GPR180: variants seen among roughly 807,000 people sequenced by gnomAD.
GPR180 encodes integral membrane protein GPR180.
GPR180 carries 53 observed loss-of-function variants against 52.6 expected under a neutral mutation model. That is an observed-to-expected ratio of 1.01 (90% CI 0.81 to 1.27). The LOEUF is 1.27. Ranked by LOEUF, GPR180 falls within the 50% of genes most tolerant of loss-of-function variation. GPR180 has a pLI of 0.00. For missense variants in GPR180, 533 were observed against 527.0 expected, an observed-to-expected ratio of 1.01 and a Z score of -0.11; for synonymous variants, 200 against 193.1, an observed-to-expected ratio of 1.04 and a Z score of -0.30.
rs757683372 is a variant in GPR180, at chr13:94,625,964, A to G, written c.1087-2A>G. On this transcript the variant is annotated splice_acceptor_variant, in intron 7 of 8. Coordinates refer to ENST00000376958, the MANE Select transcript of GPR180 (RefSeq NM_180989.6). LOFTEE classifies it high-confidence loss of function. ...CTTATTTCACTTTTTCCTTTGTTTCAGGGCTGTATCTTGTGGTTTTTATGC... is the reference window on the plus strand; with the variant it reads ...CTTATTTCACTTTTTCCTTTGTTTCGGGGCTGTATCTTGTGGTTTTTATGC... 6 of 1,608,820 alleles carry G rather than the reference A, an allele frequency of 3.7e-6. No individual in the cohort carries two copies. Among genetic ancestry groups the G allele is most frequent in the Non-Finnish European group, 4.2e-6 (5 of 1,176,510 alleles).
rs1161497844 is a variant in GPR180 at position 94,629,323 on chromosome 13, A to G, written c.*2152A>G. The G allele has an allele frequency of 6.6e-6, 1 of 152,138 alleles. No individual in the cohort carries two copies. Among genetic ancestry groups the G allele is most frequent in the Non-Finnish European group, 1.5e-5 (1 of 67,974 alleles). 9.4% of individuals were successfully genotyped at this position (152,138 alleles called of 1,614,324 possible). A position where few individuals can be genotyped will look rare whatever the true frequency, so the allele number is the denominator to read the frequency against. On this transcript the variant is annotated 3_prime_UTR_variant, in exon 9 of 9. Coordinates refer to ENST00000376958, the MANE Select transcript of GPR180 (RefSeq NM_180989.6). ...ATAATGCTTTTTTATGTGTTTTTAC[A>G]TTTTTTGAAAGAAGATAAATGGTTC...
At chr13:94,622,157 G>A (rs1889861934) in intron 6 of GPR180, among the ~76,000 whole-genome samples, 1 of 152,052 alleles carries the variant, frequency 6.6e-6, no homozygotes, top group African/African-American at 2.4e-5. Context: ...TATTTAGAAA[G>A]GAGGTAGTGC....
intron 2 of GPR180, among the ~76,000 whole-genome samples, chr13:94,606,137 C>G (rs1889627446): frequency 6.6e-6 from 1 of 152,080 alleles, no homozygotes; most frequent in Admixed American, 6.5e-5. Context: ...ACTAAAAATA[C>G]AGAAAAAAAT....
At chr13:94,609,330 T>C (rs572910592) in intron 2 of GPR180, among the ~76,000 whole-genome samples, 3 of 152,216 alleles carry the variant, frequency 2.0e-5, no homozygotes, top group African/African-American at 4.8e-5. Flanking sequence ...AGAATATGCA[T>C]GCTGTGTTGT....
chr13:94,616,581 A>G (rs1353907064), intron 3 of GPR180, among the ~76,000 whole-genome samples: 3 of 152,092 alleles, frequency 2.0e-5, no homozygotes, highest in South Asian at 2.1e-4. Context: ...AACCTTACAC[A>G]TTTCCTTACA....
intron 1 of GPR180, among the ~76,000 whole-genome samples, chr13:94,605,071 A>C (rs1388655122): frequency 6.6e-6 from 1 of 152,228 alleles, no homozygotes; most frequent in Non-Finnish European, 1.5e-5. Context: ...GATTATGAAT[A>C]AAATATAAAA....
chr13:94,611,742 G>A (rs1296504793), intron 2 of GPR180, among the ~76,000 whole-genome samples: 2 of 151,854 alleles, frequency 1.3e-5, no homozygotes, highest in Non-Finnish European at 2.9e-5. Context: ...CCCATTGCCC[G>A]TCCGCAATGA....
rs1889824225 is a variant in GPR180, at chr13:94,619,459, A to G, written c.687-9A>G. 2 of 1,611,766 alleles carry G rather than the reference A, an allele frequency of 1.2e-6. No homozygotes were observed. The highest frequency in any genetic ancestry group is 1.3e-5 in the African/African-American group (1 of 74,866). On this transcript the variant is annotated splice_polypyrimidine_tract_variant and intron_variant, in intron 4 of 8. Coordinates refer to ENST00000376958, the MANE Select transcript of GPR180 (RefSeq NM_180989.6). ...TTGTAATTTACACTACTCTTCTTCA[A>G]TTCCTCAGTTACTCCAAAGATGGAA...
intron 5 of GPR180, 25 bp from the exon 6 acceptor site, chr13:94,621,053 G>A (rs1264539181): frequency 5.1e-6 from 8 of 1,575,304 alleles, no homozygotes; most frequent in Non-Finnish European, 6.8e-6. Context: ...AAACTTGGTT[G>A]ACGTTGGTTT....
chr13:94,605,269 G>A (rs1229321694), intron 1 of GPR180, 122 bp from the exon 2 acceptor site: 5 of 813,754 alleles, frequency 6.1e-6, no homozygotes, highest in Admixed American at 2.3e-5. Flanking sequence ...CTAGTTAAGC[G>A]AGATTTAAGA....
chr13:94,624,931 A>G (rs1042985498), intron 7 of GPR180, among the ~76,000 whole-genome samples: 4 of 152,014 alleles, frequency 2.6e-5, no homozygotes, highest in Non-Finnish European at 5.9e-5. Flanking sequence ...TCCTGGGGTC[A>G]AGCGATTCTC....
rs555741763 is a variant in GPR180 at position 94,615,347 on chromosome 13, T to A, written c.505+2957T>A. On this transcript the variant is annotated intron_variant, in intron 3 of 8. Transcript: ENST00000376958. ...ACAAGTAGGAAAAATTGATTTGCTA[T>A]GCTTTTTACAGAAAATTGACTATTA... Among the ~76,000 whole-genome samples, 4 of 152,374 alleles carry A rather than the reference T, an allele frequency of 2.6e-5. No individual in the cohort carries two copies. The South Asian group carries it at 6.2e-4, about 24-fold the overall frequency.
chr13:94,627,855 A>C lies in GPR180; in HGVS notation c.*684A>C, dbSNP rs531378954. ...AACTTAAATACATTACACGGGTTGT[A>C]AGGACAAAGGATTTTAAAATCTGAG... is the stretch of plus-strand genomic sequence containing the variant. On this transcript the variant is annotated 3_prime_UTR_variant, in exon 9 of 9. Coordinates refer to ENST00000376958, the MANE Select transcript of GPR180 (RefSeq NM_180989.6). The C allele has an allele frequency of 2.6e-5, 4 of 152,676 alleles. No homozygotes were observed. The South Asian group carries it at 8.3e-4, about 32-fold the overall frequency. 9.5% of individuals were successfully genotyped at this position (152,676 alleles called of 1,614,324 possible). A position where few individuals can be genotyped will look rare whatever the true frequency, so the allele number is the denominator to read the frequency against.
intron 1 of GPR180, among the ~76,000 whole-genome samples, chr13:94,604,905 C>T (rs567407177): frequency 6.6e-6 from 1 of 152,174 alleles, no homozygotes; most frequent in Admixed American, 6.5e-5. Context: ...GTCGTAGATA[C>T]CAAATTTTGT....
At chr13:94,623,609 A>G (rs1333239133) in intron 7 of GPR180, among the ~76,000 whole-genome samples, 1 of 150,604 alleles carries the variant, frequency 6.6e-6, no homozygotes, top group African/African-American at 2.4e-5. Context: ...GAGCCTGTGC[A>G]TTGAAGGCTT....
At chr13:94,620,438 C>T (rs959103608) in intron 5 of GPR180, among the ~76,000 whole-genome samples, 1 of 152,194 alleles carries the variant, frequency 6.6e-6, no homozygotes, top group African/African-American at 2.4e-5. Context: ...GGTTTTGATA[C>T]ATCTTTTCTG....
At chr13:94,606,147 T>C (rs574694547) in intron 2 of GPR180, among the ~76,000 whole-genome samples, 3 of 151,982 alleles carry the variant, frequency 2.0e-5, no homozygotes, top group Non-Finnish European at 4.4e-5. Context: ...CAGAAAAAAA[T>C]TAGACAGGTG....
chr13:94,611,110 TAAGTATTGAAGCCAGG>T (rs1407190620), intron 2 of GPR180, among the ~76,000 whole-genome samples: 20 of 152,220 alleles, frequency 1.3e-4, no homozygotes, highest in Middle Eastern at 3.4e-3. Context: ...ACACAACAGG[TAAGTATTGAAGCCAGG>T]ATTCAAACAT....
chr13:94,613,584 C>T (rs1354559946), intron 3 of GPR180, among the ~76,000 whole-genome samples: 1 of 151,898 alleles, frequency 6.6e-6, no homozygotes, highest in Non-Finnish European at 1.5e-5. Flanking sequence ...CTGCACTTGG[C>T]CCTAAATGTT....
Sources: allele counts gnomAD v4.1 joint callset (sites outside exome capture counted in the v4.1 genomes callset), GRCh38; gene constraint gnomAD v4.1.1; transcripts MANE v1.5; gene names NCBI Gene and HGNC (gene_info 2026-07-23, HGNC 2026-07-21).